Variants in KAZN observed in about 807,000 individuals in gnomAD.
KAZN encodes kazrin.
A neutral mutation model predicts 87.4 loss-of-function variants in KAZN; 40 were observed. The observed-to-expected ratio is 0.46, with a 90% CI of 0.36 to 0.60. The LOEUF is 0.60. Among genes scored for constraint, KAZN ranks in the 20% least tolerant of loss-of-function variants. The pLI, the probability that KAZN is intolerant of heterozygous loss-of-function variation, is 0.00. For missense variants in KAZN, 898 were observed against 1,073.9 expected, an observed-to-expected ratio of 0.84 and a Z score of 2.29; for synonymous variants, 466 against 458.3, an observed-to-expected ratio of 1.02 and a Z score of -0.22.
rs145633780 is a variant in KAZN, at chr1:13,920,182, G to A, written c.91+26426G>A. 3.7e-3 allele frequency among the ~76,000 whole-genome samples: 561 copies of A among 150,644 alleles called. 4 individuals are homozygous for A. Among genetic ancestry groups the A allele is most frequent in the African/African-American group, 0.013 (541 of 40,662 alleles). On this transcript the variant is annotated intron_variant, in intron 1 of 16. Transcript: ENST00000636203. ...GAAGAATCACTTGAACCAGGGAGGC[G>A]GAGGTTGCAGTGAGCTGAGATTGTG... is the stretch of plus-strand genomic sequence containing the variant.
chr1:14,394,860 T>G (rs77365162), intron 2 of KAZN, among the ~76,000 whole-genome samples: 1 of 152,230 alleles, frequency 6.6e-6, no homozygotes, highest in African/African-American at 2.4e-5. Flanking sequence ...TAGACTGATA[T>G]GCCCAAGGTC....
At chr1:14,553,102 C>T (rs562141995) in intron 2 of KAZN, among the ~76,000 whole-genome samples, 5 of 152,160 alleles carry the variant, frequency 3.3e-5, no homozygotes, top group Admixed American at 6.5e-5. Context: ...AGGCCAGGCA[C>T]GTTGGCTCAT....
intron 1 of KAZN, among the ~76,000 whole-genome samples, chr1:13,958,384 C>A (rs1641627203): frequency 6.6e-6 from 1 of 151,904 alleles, no homozygotes; most frequent in East Asian, 1.9e-4. Context: ...TCCTGGCTAA[C>A]ACGGTGAAAC....
At chr1:14,310,816 A>G (rs1297928980) in intron 2 of KAZN, among the ~76,000 whole-genome samples, 1 of 152,238 alleles carries the variant, frequency 6.6e-6, no homozygotes, top group Non-Finnish European at 1.5e-5. Flanking sequence ...TTTCCAAAGG[A>G]TGCATCACAA....
intron 2 of KAZN, among the ~76,000 whole-genome samples, chr1:14,463,312 T>C (rs1667950478): frequency 6.6e-6 from 1 of 152,154 alleles, no homozygotes; most frequent in African/African-American, 2.4e-5. Context: ...TGCTGGCTTC[T>C]TCACTTTATC....
chr1:13,935,498 G>A (rs915565229), intron 1 of KAZN, among the ~76,000 whole-genome samples: 3 of 152,120 alleles, frequency 2.0e-5, no homozygotes, highest in South Asian at 2.1e-4. Context: ...TTAACAGAAC[G>A]TTGGCTGTTT....
At chr1:13,901,741 A>T (rs6429802) in intron 1 of KAZN, among the ~76,000 whole-genome samples, 1 of 151,790 alleles carries the variant, frequency 6.6e-6, no homozygotes, top group South Asian at 2.1e-4. Context: ...TCTTGTTTCA[A>T]CCTTGTGTGT....
intron 1 of KAZN, among the ~76,000 whole-genome samples, chr1:14,835,870 CA>C (rs1303587344): frequency 6.9e-6 from 1 of 143,938 alleles, no homozygotes; most frequent in African/African-American, 2.6e-5. Flanking sequence ...GTTTGAGGGG[CA>C]CCAATGTGTA....
chr1:14,097,170 A>G (rs1260108419), intron 1 of KAZN, among the ~76,000 whole-genome samples: 1 of 152,228 alleles, frequency 6.6e-6, no homozygotes, highest in African/African-American at 2.4e-5. Flanking sequence ...GTTGAGTGCT[A>G]TAGAGGCTAG....
chr1:14,054,153 T>C (rs1407991517), intron 1 of KAZN, among the ~76,000 whole-genome samples: 3 of 152,120 alleles, frequency 2.0e-5, no homozygotes, highest in African/African-American at 4.8e-5. Flanking sequence ...TTTTCCAATA[T>C]ATTTACTGTA....
intron 2 of KAZN, among the ~76,000 whole-genome samples, chr1:14,251,109 G>A (rs987228035): frequency 5.3e-5 from 8 of 152,166 alleles, no homozygotes; most frequent in Non-Finnish European, 1.0e-4. Context: ...CTATGCTTGT[G>A]TGATTCCTCA....
At chr1:14,300,275 T>TC in intron 2 of KAZN, among the ~76,000 whole-genome samples, 1 of 151,770 alleles carries the variant, frequency 6.6e-6, no homozygotes, top group South Asian at 2.1e-4. Flanking sequence ...TTTATTTTTT[T>TC]TTAAGACAGA....
chr1:14,947,427 G>A (rs923619812), intron 1 of KAZN, among the ~76,000 whole-genome samples: 6 of 152,200 alleles, frequency 3.9e-5, no homozygotes, highest in African/African-American at 1.4e-4. Flanking sequence ...GGAGATTGTT[G>A]CAAGAGCCAA....
intron 1 of KAZN, among the ~76,000 whole-genome samples, chr1:14,829,641 G>A (rs1646999506): frequency 6.6e-6 from 1 of 152,220 alleles, no homozygotes; most frequent in Non-Finnish European, 1.5e-5. Flanking sequence ...TTGGGGTAGG[G>A]AGGTGGATTT....
At chr1:14,516,665 C>T (rs1403224457) in intron 2 of KAZN, among the ~76,000 whole-genome samples, 1 of 152,190 alleles carries the variant, frequency 6.6e-6, no homozygotes, top group Non-Finnish European at 1.5e-5. Flanking sequence ...ATGTTTGAAG[C>T]TCTGACTCTG....
At chr1:14,952,077 A>G (rs920820656) in intron 1 of KAZN, among the ~76,000 whole-genome samples, 3 of 152,200 alleles carry the variant, frequency 2.0e-5, no homozygotes, top group African/African-American at 4.8e-5. Flanking sequence ...GCTGTCATCC[A>G]GCACATGGCA....
At chr1:14,744,027 A>G (rs1468402401) in intron 1 of KAZN, among the ~76,000 whole-genome samples, 1 of 152,172 alleles carries the variant, frequency 6.6e-6, no homozygotes, top group East Asian at 1.9e-4. Flanking sequence ...TGGCTACTGT[A>G]CAGGCTATCA....
At chr1:14,880,510 T>C (rs916897237) in intron 1 of KAZN, among the ~76,000 whole-genome samples, 1 of 152,132 alleles carries the variant, frequency 6.6e-6, no homozygotes, top group African/African-American at 2.4e-5. Flanking sequence ...AAGGCTGGGA[T>C]AGCTTGTTTC....
chr1:14,863,624 G>C (rs535316742), intron 1 of KAZN, among the ~76,000 whole-genome samples: 1 of 152,316 alleles, frequency 6.6e-6, no homozygotes, highest in East Asian at 1.9e-4. Context: ...CAGTCAAAGA[G>C]AGAGAAAGAT....
Sources: allele counts gnomAD v4.1 joint callset (sites outside exome capture counted in the v4.1 genomes callset), GRCh38; gene constraint gnomAD v4.1.1; transcripts MANE v1.5; gene names NCBI Gene and HGNC (gene_info 2026-07-23, HGNC 2026-07-21).